Variants in COL4A3 observed in about 807,000 individuals in gnomAD.
The protein encoded by COL4A3 is collagen type IV alpha 3 chain.
In COL4A3, 135 loss-of-function variants were observed where a neutral mutation model predicts 217.4. The observed-to-expected ratio is 0.62, with a 90% CI of 0.54 to 0.72. The LOEUF (loss-of-function observed/expected upper bound fraction) is 0.72, where lower values mean the gene tolerates loss of function less well. Among genes scored for constraint, COL4A3 ranks in the 30% least tolerant of loss-of-function variants. The pLI, the probability that COL4A3 is intolerant of heterozygous loss-of-function variation, is 0.00. For synonymous variants in COL4A3, 690 were observed against 736.3 expected (o/e 0.94, Z 1.02); for missense variants, 1,868 against 2,119.9 (o/e 0.88, Z 2.33).
At chr2:227,189,870 G>A (rs752393059) in intron 1 of COL4A3, among the ~76,000 whole-genome samples, 18 of 151,986 alleles carry the variant, frequency 1.2e-4, no homozygotes, top group Non-Finnish European at 2.1e-4. Flanking sequence ...GCTTTCCCTC[G>A]TGGTCTCAGC....
chr2:227,214,110 A>G (rs962302929), intron 1 of COL4A3, among the ~76,000 whole-genome samples: 3 of 152,156 alleles, frequency 2.0e-5, no homozygotes, highest in African/African-American at 7.2e-5. Flanking sequence ...TCCTCCGCAT[A>G]TTGAAAAGTC....
At chr2:227,206,996 G>A (rs115828265) in intron 1 of COL4A3, among the ~76,000 whole-genome samples, 338 of 152,272 alleles carry the variant, frequency 2.2e-3, no homozygotes, top group Non-Finnish European at 3.9e-3. Context: ...CACTTTTGTG[G>A]TTAAGAGGAA....
intron 37 of COL4A3, among the ~76,000 whole-genome samples, chr2:227,291,888 A>T (rs6436674): frequency 0.93 from 141,483 of 152,190 alleles, 65,813 homozygotes; most frequent in African/African-American, 0.97. Context: ...CTTCCCAATT[A>T]TCTGAGTACA....
chr2:227,210,445 C>G (rs1253582694), intron 1 of COL4A3, among the ~76,000 whole-genome samples: 3 of 125,698 alleles, frequency 2.4e-5, no homozygotes, highest in Non-Finnish European at 5.3e-5. Context: ...AAAAAATTAG[C>G]CAAGTGTGGT....
At chr2:227,245,658 C>A in intron 5 of COL4A3, 1 of 466,106 alleles carries the variant, frequency 2.1e-6, no homozygotes, top group Non-Finnish European at 3.9e-6. Context: ...TCTTCTTTTT[C>A]CCTTCCTTTC....
In COL4A3 at chr2:227,282,356, C is replaced by T. The variant is rs749574789; in HGVS notation, c.2489-9C>T. 19 of 1,607,314 alleles carry T rather than the reference C, an allele frequency of 1.2e-5. No individual in the cohort carries two copies. The highest frequency in any genetic ancestry group is 4.1e-5 in the African/African-American group (3 of 73,416). ...GGGTTAATTAATTCATTCATTTATT[C>T]GTACACAGGCAGAAGAGGTAAAACG... On this transcript the variant is annotated splice_polypyrimidine_tract_variant and intron_variant, in intron 31 of 51. Transcript: ENST00000396578. The surrounding 1 kb of genome is among the most constrained non-coding windows in gnomAD (Gnocchi z 4.4).
intron 1 of COL4A3, among the ~76,000 whole-genome samples, chr2:227,208,805 C>CACACACAT (rs1553741133): frequency 1.9e-5 from 2 of 106,332 alleles, no homozygotes; most frequent in East Asian, 4.1e-4. Context: ...CACACACACA[C>CACACACAT]ATATATACAG....
chr2:227,237,397 C>T (rs2068761260), intron 1 of COL4A3, among the ~76,000 whole-genome samples: 1 of 152,070 alleles, frequency 6.6e-6, no homozygotes, highest in Non-Finnish European at 1.5e-5. Flanking sequence ...GTTATTGTGG[C>T]TTTTGCCATT....
At chr2:227,300,577 G>A (rs1172998147) in intron 43 of COL4A3, among the ~76,000 whole-genome samples, 3 of 152,200 alleles carry the variant, frequency 2.0e-5, no homozygotes, top group Non-Finnish European at 4.4e-5. Flanking sequence ...CTTGGAGACA[G>A]ATGTTGAATA....
chr2:227,283,732 A>C, intron 32 of COL4A3, 35 bp from the exon 33 acceptor site: 2 of 1,569,458 alleles, frequency 1.3e-6, no homozygotes, highest in Non-Finnish European at 1.8e-6. Flanking sequence ...CACTCTGTAC[A>C]ACACGTGCTG....
chr2:227,202,146 C>T (rs2066710288), intron 1 of COL4A3, among the ~76,000 whole-genome samples: 1 of 152,114 alleles, frequency 6.6e-6, no homozygotes, highest in Non-Finnish European at 1.5e-5. Context: ...TTCATTAGAA[C>T]TTGATGTTTT....
intron 34 of COL4A3, 99 bp downstream of exon 34, chr2:227,284,444 G>T (rs1457973420): frequency 7.2e-7 from 1 of 1,388,736 alleles, no homozygotes; most frequent in Non-Finnish European, 1.0e-6. Flanking sequence ...AGGACAGTGA[G>T]GGCCAGTGTT....
chr2:227,226,662 G>T (rs2068111091), intron 1 of COL4A3, among the ~76,000 whole-genome samples: 2 of 152,136 alleles, frequency 1.3e-5, no homozygotes, highest in East Asian at 1.9e-4. Flanking sequence ...TAGAGACGGG[G>T]TTTCCCCCAG....
intron 20 of COL4A3, among the ~76,000 whole-genome samples, chr2:227,261,396 G>C (rs55918117): frequency 6.6e-6 from 1 of 152,118 alleles, no homozygotes; most frequent in Non-Finnish European, 1.5e-5. Flanking sequence ...GCGTGGTGGC[G>C]TACGCCTGTA....
intron 25 of COL4A3, among the ~76,000 whole-genome samples, chr2:227,272,424 A>C (rs1032002763): frequency 6.6e-5 from 10 of 152,234 alleles, no homozygotes; most frequent in African/African-American, 2.4e-4. Context: ...AAGAGGGCTT[A>C]AATTATTTTG....
At chr2:227,275,617 C>T (rs2071509610) in intron 26 of COL4A3, among the ~76,000 whole-genome samples, 1 of 152,152 alleles carries the variant, frequency 6.6e-6, no homozygotes. Flanking sequence ...CAACACTTAT[C>T]ACTAAACATG....
chr2:227,175,005 G>A (rs542959669), intron 1 of COL4A3, among the ~76,000 whole-genome samples: 1 of 152,320 alleles, frequency 6.6e-6, no homozygotes, highest in South Asian at 2.1e-4. Flanking sequence ...AGGATGGGGT[G>A]TGGTGATGGA....
chr2:227,243,323 CA>C (rs1458677900), intron 3 of COL4A3, among the ~76,000 whole-genome samples: 8 of 152,248 alleles, frequency 5.3e-5, no homozygotes, highest in Admixed American at 1.3e-4. Context: ...CAAAGGCAGA[CA>C]ATTAGAGAAT....
chr2:227,248,584 C>T (rs935550229), intron 9 of COL4A3, 64 bp downstream of exon 9: 2 of 1,064,358 alleles, frequency 1.9e-6, no homozygotes, highest in South Asian at 1.3e-5. Flanking sequence ...CTCTTTTCGC[C>T]TCTCTTTACT....
Sources: allele counts gnomAD v4.1 joint callset (sites outside exome capture counted in the v4.1 genomes callset), GRCh38; gene constraint gnomAD v4.1.1; non-coding constraint Gnocchi (gnomAD v3.1); transcripts MANE v1.5; gene names NCBI Gene and HGNC (gene_info 2026-07-23, HGNC 2026-07-21).